KCNH8: variants seen among roughly 807,000 people sequenced by gnomAD.
The protein encoded by KCNH8 is voltage-gated delayed rectifier potassium channel KCNH8.
KCNH8 carries 70 observed loss-of-function variants against 103.6 expected under a neutral mutation model. That is an observed-to-expected ratio of 0.68 (90% CI 0.56 to 0.82). The LOEUF is 0.82. Among genes scored for constraint, KCNH8 ranks in the 40% least tolerant of loss-of-function variants. The pLI is 0.00. For missense variants in KCNH8, 1,217 were observed against 1,329.9 expected (o/e 0.92, Z 1.32); for synonymous variants, 498 against 489.4 (o/e 1.02, Z -0.23).
chr3:19,268,108 C>T (rs1051587507), intron 2 of KCNH8, among the ~76,000 whole-genome samples: 4 of 152,034 alleles, frequency 2.6e-5, no homozygotes, highest in Non-Finnish European at 4.4e-5. Flanking sequence ...CTGTTTTGCA[C>T]GTAAGAATAC....
Position 19,510,369 on chromosome 3 carries a change from T to C in KCNH8, c.2047T>C (p.Ser683Pro), listed in dbSNP as rs189965212. ...LREGHESDVI[S>P]RLSNKSMVSQ... ...CTTCTGTTTGTTCTTTCAGGTGATA[T>C]CAAGACTATCAAACAAATCTATGGT... is the stretch of plus-strand genomic sequence containing the variant. Residue 683 changes from serine to proline, a missense_variant, in exon 12 of 16, where the codon TCA becomes CCA. Ser to Pro is a moderately conservative substitution (Grantham distance 74). This residue lies in a region of KCNH8 where 558 missense variants were observed against 495.8 expected (regional missense o/e 1.13). Transcript: ENST00000328405. 5.1e-6 allele frequency: 8 copies of C among 1,578,138 alleles called. No homozygotes were observed. The highest frequency in any genetic ancestry group is 2.2e-5 in the East Asian group (1 of 44,652).
intron 1 of KCNH8, among the ~76,000 whole-genome samples, chr3:19,229,567 G>A (rs7652959): frequency 0.013 from 1,946 of 152,252 alleles, 47 homozygotes; most frequent in African/African-American, 0.043. Context: ...CACCAAGTCC[G>A]TAGGCTGCGC....
chr3:19,361,174 A>G (rs1245315278), intron 5 of KCNH8, among the ~76,000 whole-genome samples: 1 of 152,132 alleles, frequency 6.6e-6, no homozygotes, highest in Non-Finnish European at 1.5e-5. Flanking sequence ...TAACAGGAGA[A>G]ACATTTGAGT....
intron 13 of KCNH8, among the ~76,000 whole-genome samples, chr3:19,514,950 TAACA>T (rs142158497): frequency 0.059 from 8,900 of 151,880 alleles, 261 homozygotes; most frequent in South Asian, 0.078. Flanking sequence ...TTAAATTATC[TAACA>T]AACAGCTACA....
intron 7 of KCNH8, among the ~76,000 whole-genome samples, chr3:19,412,252 A>G (rs2066791771): frequency 6.6e-6 from 1 of 152,082 alleles, no homozygotes. Flanking sequence ...ACCTACAGCC[A>G]TCTAATCTTT....
At chr3:19,225,268 A>C (rs1055744893) in intron 1 of KCNH8, among the ~76,000 whole-genome samples, 12 of 151,868 alleles carry the variant, frequency 7.9e-5, no homozygotes, top group Non-Finnish European at 1.2e-4. Context: ...AGGGTCCATA[A>C]AAATCCAATC....
At chr3:19,500,595 T>G (rs1391531240) in intron 11 of KCNH8, among the ~76,000 whole-genome samples, 3 of 152,166 alleles carry the variant, frequency 2.0e-5, no homozygotes, top group Non-Finnish European at 2.9e-5. Flanking sequence ...CAGACCATAG[T>G]GCAATCAAAC....
intron 1 of KCNH8, among the ~76,000 whole-genome samples, chr3:19,158,733 C>T (rs1482646757): frequency 6.6e-6 from 1 of 151,624 alleles, no homozygotes; most frequent in Non-Finnish European, 1.5e-5. Flanking sequence ...AGGAAATTAA[C>T]TTCTATATGT....
chr3:19,521,856 G>A (rs1015542798), intron 15 of KCNH8, among the ~76,000 whole-genome samples: 1 of 151,828 alleles, frequency 6.6e-6, no homozygotes, highest in Non-Finnish European at 1.5e-5. Context: ...GTTTAACAAT[G>A]TTTAACCATT....
chr3:19,526,529 C>T (rs1311472515), intron 15 of KCNH8, among the ~76,000 whole-genome samples: 2 of 151,942 alleles, frequency 1.3e-5, no homozygotes, highest in East Asian at 1.9e-4. Context: ...TCCCAAAAGG[C>T]ACAATCTAAC....
At chr3:19,369,815 C>T (rs945168239) in intron 5 of KCNH8, among the ~76,000 whole-genome samples, 15 of 151,974 alleles carry the variant, frequency 9.9e-5, no homozygotes, top group African/African-American at 3.4e-4. Flanking sequence ...TGCTCCACCT[C>T]CTAACCACCT....
chr3:19,148,675 C>T lies in KCNH8; in HGVS notation c.-45C>T. The stretch of plus-strand genomic sequence containing the variant: ...CTTGGCACTTTCCTTTCGAACCATC[C>T]TTCTGGACAAACTTTGATGGAGAAT... On this transcript the variant is annotated 5_prime_UTR_variant, in exon 1 of 16. Transcript: ENST00000328405. 6.3e-7 allele frequency: 1 copy of T among 1,586,712 alleles called. No homozygotes were observed. The highest frequency in any genetic ancestry group is 8.7e-7 in the Non-Finnish European group (1 of 1,154,806).
chr3:19,154,876 C>T (rs551433222), intron 1 of KCNH8, among the ~76,000 whole-genome samples: 3 of 152,288 alleles, frequency 2.0e-5, no homozygotes, highest in African/African-American at 7.2e-5. Context: ...TAGTATGCTT[C>T]GCCCTGGCAG....
At chr3:19,206,604 G>A (rs1468875893) in intron 1 of KCNH8, among the ~76,000 whole-genome samples, 1 of 151,884 alleles carries the variant, frequency 6.6e-6, no homozygotes, top group Non-Finnish European at 1.5e-5. Context: ...ATCTTATGGG[G>A]GCTGGGGTGT....
chr3:19,376,109 A>G (rs1320969689), intron 5 of KCNH8, among the ~76,000 whole-genome samples: 1 of 152,110 alleles, frequency 6.6e-6, no homozygotes, highest in Non-Finnish European at 1.5e-5. Context: ...GGCCTCCTTG[A>G]GCTGTGGTGG....
At chr3:19,244,320 C>G (rs923287185) in intron 1 of KCNH8, among the ~76,000 whole-genome samples, 9 of 152,172 alleles carry the variant, frequency 5.9e-5, no homozygotes, top group African/African-American at 1.4e-4. Flanking sequence ...AGTTTGACCA[C>G]ATTTTATTTA....
rs111234066 is a variant in KCNH8 at position 19,486,251 on chromosome 3, G to C, written c.2041-24112G>C. ...ACAGTTATGCTCAACCAGCCTTTCT[G>C]ATAATGGGAACAGGGTGGTGGGATT... On this transcript the variant is annotated intron_variant, in intron 11 of 15. Coordinates refer to ENST00000328405, the MANE Select transcript of KCNH8 (RefSeq NM_144633.3). Among the ~76,000 whole-genome samples, 49 of 152,350 alleles carry C rather than the reference G, an allele frequency of 3.2e-4. 1 individual carries two copies. The highest frequency in any genetic ancestry group is 1.1e-3 in the African/African-American group (44 of 41,588).
At chr3:19,480,772 G>A (rs1300459306) in intron 11 of KCNH8, among the ~76,000 whole-genome samples, 9 of 152,016 alleles carry the variant, frequency 5.9e-5, no homozygotes. Context: ...TGCTTTTTTT[G>A]TTACAGATAG....
intron 7 of KCNH8, among the ~76,000 whole-genome samples, chr3:19,400,446 C>CT (rs1178728246): frequency 1.3e-5 from 2 of 151,598 alleles, no homozygotes; most frequent in Admixed American, 1.3e-4. Flanking sequence ...AAAATGTTAC[C>CT]TTATGTTCTT....
Sources: gnomAD v4.1 joint callset for allele counts (sites outside exome capture counted in the v4.1 genomes callset) on GRCh38, gnomAD v4.1.1 for gene constraint, gnomAD v4.1.1 regional missense constraint, MANE v1.5 for transcripts, NCBI Gene and HGNC (gene_info 2026-07-23, HGNC 2026-07-21) for gene names.